Variants in CMIP observed in about 807,000 individuals in gnomAD.
CMIP encodes C-Maf-inducing protein.
CMIP carries 13 observed loss-of-function variants against 97.3 expected under a neutral mutation model. The ratio of observed to expected loss-of-function variants is 0.13; its 90% CI spans 0.09 to 0.21. CMIP has a LOEUF of 0.21. CMIP is among the 10% of genes least tolerant of loss of function. The probability of loss-of-function intolerance (pLI) is 1.00; values close to 1 mark genes in which losing one functional copy is unlikely to be tolerated. For missense variants in CMIP, 847 were observed against 1,024.9 expected (o/e 0.83, Z 2.37); for synonymous variants, 538 against 436.3 (o/e 1.23, Z -2.91).
chr16:81,489,719 C>G (rs1418468280), intron 1 of CMIP, among the ~76,000 whole-genome samples: 8 of 152,158 alleles, frequency 5.3e-5, no homozygotes, highest in Non-Finnish European at 1.2e-4. Context: ...CAGGCTCGTT[C>G]AGGGAGGGGG....
intron 3 of CMIP, among the ~76,000 whole-genome samples, chr16:81,644,790 C>T (rs1352105260): frequency 1.3e-5 from 2 of 152,194 alleles, no homozygotes; most frequent in Non-Finnish European, 2.9e-5. Flanking sequence ...CCTTGGTAGA[C>T]CTTTTAAGAA....
At chr16:81,594,245 G>A (rs1190273022) in intron 1 of CMIP, among the ~76,000 whole-genome samples, 2 of 150,576 alleles carry the variant, frequency 1.3e-5, no homozygotes, top group Non-Finnish European at 3.0e-5. Flanking sequence ...AGCCTCCCAA[G>A]TAGCTGGGAC....
intron 1 of CMIP, among the ~76,000 whole-genome samples, chr16:81,477,892 G>A (rs1439119531): frequency 6.6e-6 from 1 of 152,230 alleles, no homozygotes; most frequent in Non-Finnish European, 1.5e-5. Flanking sequence ...AAGTGGGAGT[G>A]GCAGGGGAGT....
intron 20 of CMIP, among the ~76,000 whole-genome samples, chr16:81,708,232 C>G (rs1167556125): frequency 6.6e-6 from 1 of 152,234 alleles, no homozygotes; most frequent in African/African-American, 2.4e-5. Context: ...AGGGGCACAG[C>G]CAGCAGATCA....
chr16:81,612,377 A>G (rs1470365005), intron 2 of CMIP, among the ~76,000 whole-genome samples: 2 of 152,138 alleles, frequency 1.3e-5, no homozygotes, highest in African/African-American at 4.8e-5. Context: ...TGTTCTGGAA[A>G]GTCCTGCAGG....
intron 2 of CMIP, among the ~76,000 whole-genome samples, chr16:81,618,239 G>A (rs2091947015): frequency 6.6e-6 from 1 of 152,186 alleles, no homozygotes; most frequent in Admixed American, 6.5e-5. Context: ...TGTTCCTTCT[G>A]GAGGCTCTCG....
In CMIP at chr16:81,709,596, C is replaced by T. The variant is rs1047060100; in HGVS notation, c.2269-150C>T. The T allele has an allele frequency of 8.9e-6, 7 of 790,432 alleles. No homozygotes were observed. The African/African-American group carries it at 1.0e-4, about 12-fold the overall frequency. 49.0% of individuals were successfully genotyped at this position (790,432 alleles called of 1,614,324 possible). On this transcript the variant is annotated intron_variant, in intron 20 of 20. Coordinates refer to ENST00000537098, the MANE Select transcript of CMIP (RefSeq NM_198390.3). ...GCTCTGTTCTCTGCCTAAGGCCACC[C>T]ACCCCTCCAAGAGCCCAGGTAGCCC...
chr16:81,457,052 T>C (rs1906592406), intron 1 of CMIP, among the ~76,000 whole-genome samples: 1 of 152,090 alleles, frequency 6.6e-6, no homozygotes, highest in African/African-American at 2.4e-5. Context: ...TGGATCACAG[T>C]GAGCACGAAG....
At chr16:81,661,045 C>T in intron 6 of CMIP, 99 bp downstream of exon 6, 2 of 1,454,472 alleles carry the variant, frequency 1.4e-6, no homozygotes, top group Admixed American at 1.7e-5. Flanking sequence ...AAAACCTGGG[C>T]CCCACCGTCT....
chr16:81,453,811 A>T lies in CMIP; in HGVS notation c.300+8270A>T, dbSNP rs940837077. ...CCCTAGGTCCTTCATTGTCAGGGGG[A>T]TGGGGAAAGAGTGAGCACCACAGCC... On this transcript the variant is annotated intron_variant, in intron 1 of 20. Coordinates refer to ENST00000537098, the MANE Select transcript of CMIP (RefSeq NM_198390.3). The surrounding 1 kb of genome is among the most constrained non-coding windows in gnomAD (Gnocchi z 4.0). Among the ~76,000 whole-genome samples the T allele has an allele frequency of 6.6e-6, 1 of 151,982 alleles. No individual in the cohort carries two copies. The highest frequency in any genetic ancestry group is 2.4e-5 in the African/African-American group (1 of 41,354).
intron 3 of CMIP, among the ~76,000 whole-genome samples, chr16:81,649,378 C>T (rs993658410): frequency 2.0e-5 from 3 of 152,268 alleles, no homozygotes; most frequent in African/African-American, 4.8e-5. Context: ...TCTGAAACTG[C>T]GTTGGTGCCA....
intron 1 of CMIP, among the ~76,000 whole-genome samples, chr16:81,599,245 G>A (rs1243368772): frequency 6.6e-6 from 1 of 152,056 alleles, no homozygotes; most frequent in Non-Finnish European, 1.5e-5. Flanking sequence ...GCAAGGAGAG[G>A]TCATATTACC....
intron 1 of CMIP, among the ~76,000 whole-genome samples, chr16:81,516,227 G>T (rs1417446284): frequency 6.6e-6 from 1 of 152,152 alleles, no homozygotes; most frequent in Non-Finnish European, 1.5e-5. Flanking sequence ...GCTTTGGGGT[G>T]GTTTCTAGTC....
intron 1 of CMIP, among the ~76,000 whole-genome samples, chr16:81,487,223 T>C (rs538315085): frequency 1.4e-5 from 2 of 142,328 alleles, no homozygotes; most frequent in African/African-American, 5.0e-5. Context: ...CCTTGCCTCC[T>C]GAGCCTCACT....
chr16:81,597,374 G>A (rs761178597), intron 1 of CMIP, among the ~76,000 whole-genome samples: 5 of 152,172 alleles, frequency 3.3e-5, no homozygotes, highest in Admixed American at 6.5e-5. Context: ...CTAGTTGCCT[G>A]TAGACAAAGG....
At position 81,559,814 on chromosome 16, in the gene CMIP, A is replaced by G. The variant is rs1371328116; in HGVS notation, c.301-47753A>G. Among the ~76,000 whole-genome samples the G allele has an allele frequency of 2.0e-5, 3 of 152,184 alleles. No homozygotes were observed. The East Asian group carries it at 5.8e-4, about 29-fold the overall frequency. On this transcript the variant is annotated intron_variant, in intron 1 of 20. Coordinates refer to ENST00000537098, the MANE Select transcript of CMIP (RefSeq NM_198390.3). ...TTCTAGTTATAAAAAAATGAGCCAT[A>G]AAACAGCCTCAGGCAAGTCTTTCAA...
intron 1 of CMIP, chr16:81,495,579 G>A: frequency 7.1e-7 from 1 of 1,408,208 alleles, no homozygotes; most frequent in Non-Finnish European, 9.9e-7. Context: ...ACAGGCCAGT[G>A]AAATTCACAG....
At chr16:81,475,929 G>C (rs1907881682) in intron 1 of CMIP, 1 of 407,980 alleles carries the variant, frequency 2.5e-6, no homozygotes, top group East Asian at 5.9e-5. Flanking sequence ...AGAGCTTGCA[G>C]TGAGCTGAGA....
At chr16:81,688,263 C>A (rs1205674135) in intron 10 of CMIP, among the ~76,000 whole-genome samples, 1 of 152,210 alleles carries the variant, frequency 6.6e-6, no homozygotes, top group Non-Finnish European at 1.5e-5. Flanking sequence ...AGGAAGGAGG[C>A]TCTTTCATGA....
Sources: allele counts gnomAD v4.1 joint callset (sites outside exome capture counted in the v4.1 genomes callset), GRCh38; gene constraint gnomAD v4.1.1; non-coding constraint Gnocchi (gnomAD v3.1); transcripts MANE v1.5; gene names NCBI Gene and HGNC (gene_info 2026-07-23, HGNC 2026-07-21).